Variants in WDFY3 observed in about 807,000 individuals in gnomAD.
The protein encoded by WDFY3 is WD repeat and FYVE domain containing 3.
A neutral mutation model predicts 409.6 loss-of-function variants in WDFY3; 66 were observed. The ratio of observed to expected loss-of-function variants is 0.16; its 90% CI spans 0.13 to 0.20. The LOEUF is 0.20. Ranked by LOEUF, WDFY3 falls within the 10% of genes least tolerant of loss-of-function variation. The pLI is 1.00. For missense variants in WDFY3, 3,031 were observed against 4,298.1 expected, an observed-to-expected ratio of 0.71 and a Z score of 8.24; for synonymous variants, 1,521 against 1,537.1, an observed-to-expected ratio of 0.99 and a Z score of 0.25.
chr4:84,880,745 T>G, intron 3 of WDFY3, among the ~76,000 whole-genome samples: 1 of 122,054 alleles, frequency 8.2e-6, no homozygotes, highest in Non-Finnish European at 1.7e-5. Flanking sequence ...GGAGACAGAG[T>G]CTTGCTCTGT....
At chr4:84,762,777 C>T (rs373539657) in intron 32 of WDFY3, among the ~76,000 whole-genome samples, 18 of 151,996 alleles carry the variant, frequency 1.2e-4, no homozygotes, top group African/African-American at 3.9e-4. Flanking sequence ...ATTAGGAGAT[C>T]GTGCTGATTT....
intron 3 of WDFY3, among the ~76,000 whole-genome samples, chr4:84,864,694 T>G (rs777459333): frequency 6.6e-6 from 1 of 152,146 alleles, no homozygotes; most frequent in Non-Finnish European, 1.5e-5. Flanking sequence ...GATAGTGAAA[T>G]AGAACTTGGA....
intron 3 of WDFY3, among the ~76,000 whole-genome samples, chr4:84,882,928 A>C (rs1022556645): frequency 6.6e-6 from 1 of 152,054 alleles, no homozygotes; most frequent in African/African-American, 2.4e-5. Flanking sequence ...GGTTGGTGTC[A>C]AACTCTGGGC....
chr4:84,878,474 T>C lies in WDFY3; in HGVS notation c.-31-17852A>G, dbSNP rs146713832. On this transcript the variant is annotated intron_variant, in intron 3 of 67. Transcript: ENST00000295888. Reference sequence around the variant, plus strand: ...ATCAACAAAAATAATAATGGTAAAATAGATGTTGGCTTCTTCACAGATTAA... The same window carrying C: ...ATCAACAAAAATAATAATGGTAAAACAGATGTTGGCTTCTTCACAGATTAA... Among the ~76,000 whole-genome samples the C allele has an allele frequency of 9.1e-4, 139 of 152,252 alleles. 2 individuals are homozygous for C. The highest frequency in any genetic ancestry group is 3.3e-3 in the African/African-American group (136 of 41,554).
chr4:84,871,325 AGGAGTG>A (rs1292601563), intron 3 of WDFY3, among the ~76,000 whole-genome samples: 1 of 152,172 alleles, frequency 6.6e-6, no homozygotes, highest in East Asian at 1.9e-4. Flanking sequence ...CAAAAAGAGA[AGGAGTG>A]AAATAGTTTA....
chr4:84,754,983 C>T lies in WDFY3; in HGVS notation c.5559+283G>A, dbSNP rs189400873. Among the ~76,000 whole-genome samples, 9 of 152,086 alleles carry T rather than the reference C, an allele frequency of 5.9e-5. No individual in the cohort carries two copies. The East Asian group carries it at 9.7e-4, about 16-fold the overall frequency. On this transcript the variant is annotated intron_variant, in intron 34 of 67. Transcript: ENST00000295888. ...CCTAAGAGATGCATGCTATTATTGT[C>T]GGCATTTTAAACACCAGGAAACTGA... is the stretch of plus-strand genomic sequence containing the variant.
At chr4:84,818,172 C>T (rs1352893267) in intron 12 of WDFY3, among the ~76,000 whole-genome samples, 2 of 152,094 alleles carry the variant, frequency 1.3e-5, no homozygotes, top group Non-Finnish European at 2.9e-5. Context: ...AGAGGTAAGG[C>T]GGTCAAAGTC....
intron 3 of WDFY3, among the ~76,000 whole-genome samples, chr4:84,890,757 G>C (rs753161969): frequency 1.4e-4 from 21 of 152,164 alleles, no homozygotes; most frequent in Non-Finnish European, 1.9e-4. Context: ...ATATATAATA[G>C]GTAAGTGAGC....
At chr4:84,689,188 T>A (rs1214626375) in intron 61 of WDFY3, among the ~76,000 whole-genome samples, 11 of 152,196 alleles carry the variant, frequency 7.2e-5, no homozygotes, top group Non-Finnish European at 1.5e-4. Flanking sequence ...AGGTATTTTT[T>A]ACAGATTGAA....
rs1745952393 is a variant in WDFY3 at position 84,778,624 on chromosome 4, G to C, written c.4397C>G (p.Ser1466Cys). 1.2e-6 allele frequency: 2 copies of C among 1,610,336 alleles called. No homozygotes were observed. The highest frequency in any genetic ancestry group is 1.7e-5 in the Admixed American group (1 of 58,892). The change falls in exon 27 of 68, where the codon TCC becomes TGC. Residue 1466 changes from serine to cysteine, a missense_variant. Ser to Cys is a moderately radical substitution (Grantham distance 112). Around this residue, in one of 16 missense-constraint regions of WDFY3, gnomAD observed 55 missense variants for 124.1 expected, o/e 0.44. Coordinates refer to ENST00000295888, the MANE Select transcript of WDFY3 (RefSeq NM_014991.6). ...ATGGAGGATGTGGCTGTTAAGAAGG[G>C]AACGTTTCTTCTTAAGCAACATTGC... Reference protein sequence around the residue: ...LLAMLLKKKRSLLNSHILHLT... With the variant: ...LLAMLLKKKRCLLNSHILHLT...
chr4:84,911,469 A>G (rs1174412561), intron 2 of WDFY3, among the ~76,000 whole-genome samples: 1 of 152,210 alleles, frequency 6.6e-6, no homozygotes. Context: ...ACTGGGTGAC[A>G]GAGTGAGACC....
chr4:84,757,121 G>A lies in WDFY3; in HGVS notation c.5229C>T (p.Val1743=). ...VGRSAGGRST[V]REINRDACHF... Reference sequence around the variant, plus strand: ...GACAAGCATCTCGGTTAATCTCCCTGACCGTCGATCTCCCACCAGCACTTC... The same window carrying A: ...GACAAGCATCTCGGTTAATCTCCCTAACCGTCGATCTCCCACCAGCACTTC... Residue 1743 remains valine, a synonymous_variant, in exon 33 of 68, where the codon GTC becomes GTT. Coordinates refer to ENST00000295888, the MANE Select transcript of WDFY3 (RefSeq NM_014991.6). The A allele has an allele frequency of 6.2e-7, 1 of 1,614,050 alleles. No individual in the cohort carries two copies. The highest frequency in any genetic ancestry group is 1.1e-5 in the South Asian group (1 of 91,076).
chr4:84,770,480 T>TA (rs1744486544), intron 30 of WDFY3, among the ~76,000 whole-genome samples: 1 of 152,208 alleles, frequency 6.6e-6, no homozygotes, highest in South Asian at 2.1e-4. Flanking sequence ...GGTGTGGAAC[T>TA]AAACCTGCAA....
intron 1 of WDFY3, among the ~76,000 whole-genome samples, chr4:84,955,222 G>A (rs1424775008): frequency 6.8e-6 from 1 of 147,472 alleles, no homozygotes; most frequent in Non-Finnish European, 1.5e-5. Flanking sequence ...AAAACAAAAA[G>A]GGAGCGGGAG....
chr4:84,709,095 T>C, intron 52 of WDFY3, 67 bp from the exon 53 acceptor site: 1 of 1,579,636 alleles, frequency 6.3e-7, no homozygotes, highest in Non-Finnish European at 8.6e-7. Flanking sequence ...TTTTAAAATT[T>C]TATATACAAA....
At chr4:84,914,726 A>G (rs996003353) in intron 2 of WDFY3, among the ~76,000 whole-genome samples, 1 of 152,216 alleles carries the variant, frequency 6.6e-6, no homozygotes, top group Non-Finnish European at 1.5e-5. Flanking sequence ...TGGAACCCTC[A>G]TGTATTGCTA....
chr4:84,756,900 C>T (rs895077757), intron 33 of WDFY3, 26 bp downstream of exon 33: 60 of 1,598,914 alleles, frequency 3.8e-5, no homozygotes, highest in Middle Eastern at 1.8e-4. Context: ...CGTAATTTCA[C>T]GCACCCCTTG....
chr4:84,758,386 C>T (rs903207187), intron 32 of WDFY3, among the ~76,000 whole-genome samples: 11 of 152,118 alleles, frequency 7.2e-5, no homozygotes, highest in Admixed American at 6.6e-4. Context: ...GCTAGCACTA[C>T]AGGCACATGC....
At chr4:84,828,448 TAAG>T (rs758059423) in intron 9 of WDFY3, among the ~76,000 whole-genome samples, 10 of 152,234 alleles carry the variant, frequency 6.6e-5, no homozygotes, top group Non-Finnish European at 1.0e-4. Flanking sequence ...GTTTATACTT[TAAG>T]AAGATATTAA....
Sources: allele counts gnomAD v4.1 joint callset (sites outside exome capture counted in the v4.1 genomes callset), GRCh38; gene constraint gnomAD v4.1.1; regional missense constraint gnomAD v4.1.1; transcripts MANE v1.5; gene names NCBI Gene and HGNC (gene_info 2026-07-23, HGNC 2026-07-21).